DSCAML1: variants seen among roughly 807,000 people sequenced by gnomAD.
DSCAML1 encodes DS cell adhesion molecule like 1.
DSCAML1 carries 38 observed loss-of-function variants against 200.5 expected under a neutral mutation model. That is an observed-to-expected ratio of 0.19 (90% CI 0.15 to 0.25). The LOEUF (loss-of-function observed/expected upper bound fraction) is 0.25, where lower values mean the gene tolerates loss of function less well. DSCAML1 is among the 10% of genes least tolerant of loss of function. DSCAML1 has a pLI of 1.00. For missense variants in DSCAML1, 2,223 were observed against 2,858.8 expected, an observed-to-expected ratio of 0.78 and a Z score of 5.07; for synonymous variants, 1,215 against 1,165.0, an observed-to-expected ratio of 1.04 and a Z score of -0.87.
intron 8 of DSCAML1, among the ~76,000 whole-genome samples, chr11:117,510,565 G>A (rs754150082): frequency 2.0e-5 from 3 of 152,106 alleles, no homozygotes; most frequent in Admixed American, 6.5e-5. Context: ...TGCAAACCCC[G>A]TCTCCTTGGC....
At chr11:117,590,511 T>C (rs1308103478) in intron 3 of DSCAML1, among the ~76,000 whole-genome samples, 1 of 152,204 alleles carries the variant, frequency 6.6e-6, no homozygotes, top group Non-Finnish European at 1.5e-5. Context: ...CATTACTGAC[T>C]GCCCCACGCC....
At chr11:117,786,416 A>G (rs1206976966) in intron 1 of DSCAML1, among the ~76,000 whole-genome samples, 2 of 152,194 alleles carry the variant, frequency 1.3e-5, no homozygotes, top group African/African-American at 4.8e-5. Context: ...TAAACCAGAA[A>G]TCGCCCCCAG....
intron 3 of DSCAML1, among the ~76,000 whole-genome samples, chr11:117,623,216 C>CTTTTTTTTTTTTTT (rs56343852): frequency 1.7e-5 from 2 of 121,112 alleles, no homozygotes; most frequent in Non-Finnish European, 1.6e-5. Context: ...CTTTTCTTTT[C>CTTTTTTTTTTTTTT]TTTTTTTTTT....
rs11607809 is a variant in DSCAML1 at position 117,692,094 on chromosome 11, G to A, written c.511+84697C>T. 9.7e-4 allele frequency among the ~76,000 whole-genome samples: 147 copies of A among 152,232 alleles called. 1 individual carries two copies. The highest frequency in any genetic ancestry group is 1.7e-3 in the Non-Finnish European group (115 of 68,012). ...GAGCTGGGCCTAGCGGGGGTGTGAA[G>A]TCTTCACACCTTGGTGCAGAGGTGA... is the stretch of plus-strand genomic sequence containing the variant. On this transcript the variant is annotated intron_variant, in intron 3 of 32. Transcript: ENST00000651296.
intron 3 of DSCAML1, among the ~76,000 whole-genome samples, chr11:117,682,412 C>T (rs1274986000): frequency 6.6e-6 from 1 of 152,206 alleles, no homozygotes; most frequent in African/African-American, 2.4e-5. Context: ...TGTGCTTCTT[C>T]CCCTACCTCA....
chr11:117,442,340 A>ATGTGTGTG (rs759334870), intron 21 of DSCAML1, among the ~76,000 whole-genome samples: 2 of 150,510 alleles, frequency 1.3e-5, no homozygotes, highest in East Asian at 4.0e-4. Context: ...TATAGTGTGT[A>ATGTGTGTG]TGTGTGTGCA....
At chr11:117,674,065 T>C (rs2053163338) in intron 3 of DSCAML1, among the ~76,000 whole-genome samples, 1 of 152,220 alleles carries the variant, frequency 6.6e-6, no homozygotes, top group Non-Finnish European at 1.5e-5. Flanking sequence ...TTGCATGCCT[T>C]CGGTAGATTC....
At chr11:117,694,862 C>G (rs1232348059) in intron 3 of DSCAML1, among the ~76,000 whole-genome samples, 1 of 152,168 alleles carries the variant, frequency 6.6e-6, no homozygotes, top group African/African-American at 2.4e-5. Flanking sequence ...ATGAATAAAG[C>G]CCAGGGTGCA....
chr11:117,568,660 CA>C (rs1293613302), intron 3 of DSCAML1, among the ~76,000 whole-genome samples: 2 of 152,148 alleles, frequency 1.3e-5, no homozygotes, highest in Non-Finnish European at 2.9e-5. Context: ...ATCCAACTTA[CA>C]AGGGACATGA....
chr11:117,590,418 AC>A (rs1397637750), intron 3 of DSCAML1, among the ~76,000 whole-genome samples: 1 of 151,174 alleles, frequency 6.6e-6, no homozygotes. Flanking sequence ...TGCCTGGCAC[AC>A]CATGAGGGAT....
intron 3 of DSCAML1, among the ~76,000 whole-genome samples, chr11:117,536,473 C>G (rs925604500): frequency 1.3e-5 from 2 of 152,218 alleles, no homozygotes; most frequent in Non-Finnish European, 2.9e-5. Context: ...AAATGGCAGC[C>G]AGTACCTCCG....
At chr11:117,540,877 T>G (rs1388552473) in intron 3 of DSCAML1, among the ~76,000 whole-genome samples, 1 of 151,944 alleles carries the variant, frequency 6.6e-6, no homozygotes, top group Non-Finnish European at 1.5e-5. Flanking sequence ...AGTGTCTTTG[T>G]CAGGTAGTGA....
chr11:117,436,549 C>A (rs472648), intron 26 of DSCAML1, among the ~76,000 whole-genome samples: 1 of 151,770 alleles, frequency 6.6e-6, no homozygotes, highest in Non-Finnish European at 1.5e-5. Context: ...TATGTGTGCA[C>A]GTGTGTATGT....
intron 3 of DSCAML1, among the ~76,000 whole-genome samples, chr11:117,748,548 C>T (rs1467743220): frequency 1.3e-5 from 2 of 152,182 alleles, no homozygotes; most frequent in Non-Finnish European, 2.9e-5. Flanking sequence ...TGTGAATGCA[C>T]CATCATGAGG....
intron 3 of DSCAML1, among the ~76,000 whole-genome samples, chr11:117,545,837 C>T (rs192664509): frequency 1.8e-4 from 28 of 152,308 alleles, no homozygotes; most frequent in South Asian, 2.1e-4. Flanking sequence ...TCTCATCCCC[C>T]GTGGAGGAAA....
chr11:117,435,974 G>A (rs958911879), intron 26 of DSCAML1, among the ~76,000 whole-genome samples, 175 bp from the exon 27 acceptor site: 1 of 152,184 alleles, frequency 6.6e-6, no homozygotes, highest in Non-Finnish European at 1.5e-5. Flanking sequence ...GTCCTATCAG[G>A]ACAGCCATGA....
At chr11:117,527,552 A>T (rs1464049738) in intron 4 of DSCAML1, among the ~76,000 whole-genome samples, 2 of 152,226 alleles carry the variant, frequency 1.3e-5, no homozygotes, top group Admixed American at 1.3e-4. Context: ...GGAATTATAG[A>T]GCTGGCTTAG....
intron 11 of DSCAML1, among the ~76,000 whole-genome samples, chr11:117,499,722 C>T (rs758607610): frequency 3.3e-5 from 5 of 152,174 alleles, no homozygotes; most frequent in Admixed American, 1.3e-4. Flanking sequence ...CTTAGGCACT[C>T]GTGAGTTCAA....
intron 20 of DSCAML1, among the ~76,000 whole-genome samples, chr11:117,445,234 G>C (rs1565686452): frequency 6.6e-6 from 1 of 152,196 alleles, no homozygotes; most frequent in Non-Finnish European, 1.5e-5. Context: ...GAAATGTTAG[G>C]GGAAAAGGCA....
Sources: gnomAD v4.1 joint callset for allele counts (sites outside exome capture counted in the v4.1 genomes callset) on GRCh38, gnomAD v4.1.1 for gene constraint, MANE v1.5 for transcripts, NCBI Gene and HGNC (gene_info 2026-07-23, HGNC 2026-07-21) for gene names.